The following HCN1 variants were observed in gnomAD, a reference collection of about 807,000 sequenced individuals.
HCN1 encodes hyperpolarization activated cyclic nucleotide gated potassium channel 1.
A neutral mutation model predicts 78.9 loss-of-function variants in HCN1; 13 were observed. That is an observed-to-expected ratio of 0.16 (90% confidence interval 0.11 to 0.26). The LOEUF is 0.26. Among genes scored for constraint, HCN1 ranks in the 10% least tolerant of loss-of-function variants. HCN1 has a pLI of 1.00. For synonymous variants in HCN1, 552 were observed against 455.5 expected, an observed-to-expected ratio of 1.21 and a Z score of -2.70; for missense variants, 810 against 1,154.3, an observed-to-expected ratio of 0.70 and a Z score of 4.32.
intron 5 of HCN1, among the ~76,000 whole-genome samples, chr5:45,340,647 AG>A (rs1746558064): frequency 6.6e-6 from 1 of 151,356 alleles, no homozygotes; most frequent in Non-Finnish European, 1.5e-5. Context: ...ATGTTGATAG[AG>A]TTTTTTTTTT....
At chr5:45,264,706 T>C (rs1313294009) in intron 7 of HCN1, among the ~76,000 whole-genome samples, 1 of 152,216 alleles carries the variant, frequency 6.6e-6, no homozygotes, top group African/African-American at 2.4e-5. Context: ...CCGAGAAGCA[T>C]AATGTTTCTT....
At chr5:45,653,624 C>A (rs1284518028) in intron 1 of HCN1, among the ~76,000 whole-genome samples, 1 of 151,696 alleles carries the variant, frequency 6.6e-6, no homozygotes, top group Admixed American at 6.6e-5. Context: ...TCCCAATGAT[C>A]AAATTCCAAA....
At chr5:45,527,615 TTCTC>T (rs1008897204) in intron 2 of HCN1, among the ~76,000 whole-genome samples, 59 of 149,482 alleles carry the variant, frequency 3.9e-4, no homozygotes, top group Non-Finnish European at 6.1e-4. Context: ...TTCTCTCTCT[TTCTC>T]TCTCTCTCTG....
At chr5:45,423,789 A>T (rs550460360) in intron 3 of HCN1, among the ~76,000 whole-genome samples, 5 of 152,306 alleles carry the variant, frequency 3.3e-5, no homozygotes, top group Admixed American at 2.0e-4. Context: ...GTTTCCAAAC[A>T]TCTAAACTCC....
At chr5:45,418,961 C>T (rs902470572) in intron 3 of HCN1, among the ~76,000 whole-genome samples, 1 of 152,094 alleles carries the variant, frequency 6.6e-6, no homozygotes, top group Non-Finnish European at 1.5e-5. Context: ...CCACAGACTG[C>T]TATGTGATTT....
intron 2 of HCN1, among the ~76,000 whole-genome samples, chr5:45,588,801 G>A (rs569057532): frequency 6.6e-6 from 1 of 152,070 alleles, no homozygotes; most frequent in Non-Finnish European, 1.5e-5. Flanking sequence ...TGTCATATAA[G>A]CAATGATGAA....
chr5:45,298,642 A>G (rs145048881), intron 6 of HCN1, among the ~76,000 whole-genome samples: 3 of 152,142 alleles, frequency 2.0e-5, no homozygotes, highest in Non-Finnish European at 4.4e-5. Flanking sequence ...TACAAAAAGG[A>G]TTGTATAAAT....
intron 2 of HCN1, among the ~76,000 whole-genome samples, chr5:45,477,622 A>C (rs1314619167): frequency 2.6e-5 from 4 of 152,196 alleles, no homozygotes; most frequent in African/African-American, 9.6e-5. Context: ...AGGAAGCATA[A>C]GATAAATTCT....
rs190740071 is a variant in HCN1, at chr5:45,419,884, T to C, written c.1012-23174A>G. Among the ~76,000 whole-genome samples the C allele has an allele frequency of 1.4e-3, 207 of 152,314 alleles. 1 individual carries two copies. The highest frequency in any genetic ancestry group is 4.8e-3 in the African/African-American group (200 of 41,568). On this transcript the variant is annotated intron_variant, in intron 3 of 7. Transcript: ENST00000303230. Reference sequence around the variant, plus strand: ...CCCCAACATTCCACCCACAACTTGGTAAACAGTCTTCTTTTTAAAACTTCC... The same window carrying C: ...CCCCAACATTCCACCCACAACTTGGCAAACAGTCTTCTTTTTAAAACTTCC...
intron 1 of HCN1, among the ~76,000 whole-genome samples, chr5:45,665,848 A>G (rs1401780494): frequency 6.6e-6 from 1 of 152,092 alleles, no homozygotes; most frequent in Non-Finnish European, 1.5e-5. Flanking sequence ...GTCTTAATTT[A>G]CATTTCTACC....
intron 5 of HCN1, among the ~76,000 whole-genome samples, chr5:45,348,198 G>C (rs1016609703): frequency 6.6e-6 from 1 of 152,256 alleles, no homozygotes; most frequent in Non-Finnish European, 1.5e-5. Context: ...AGAAGAGAGT[G>C]GGGGGCCAGT....
At chr5:45,660,162 G>A (rs1745898132) in intron 1 of HCN1, among the ~76,000 whole-genome samples, 1 of 122,718 alleles carries the variant, frequency 8.1e-6, no homozygotes, top group Non-Finnish European at 1.6e-5. Flanking sequence ...CATTCTTAAA[G>A]AAAAGAATTT....
At chr5:45,669,786 T>A (rs1746114378) in intron 1 of HCN1, among the ~76,000 whole-genome samples, 2 of 151,816 alleles carry the variant, frequency 1.3e-5, no homozygotes, top group African/African-American at 4.8e-5. Context: ...TTGCAAACAG[T>A]GAACAACAGT....
At chr5:45,485,113 T>C (rs868621008) in intron 2 of HCN1, among the ~76,000 whole-genome samples, 4 of 152,208 alleles carry the variant, frequency 2.6e-5, no homozygotes, top group Non-Finnish European at 5.9e-5. Context: ...CCTTATGTTA[T>C]CACTTATTAC....
intron 6 of HCN1, among the ~76,000 whole-genome samples, chr5:45,294,813 T>C (rs781467752): frequency 6.6e-6 from 1 of 152,046 alleles, no homozygotes; most frequent in Non-Finnish European, 1.5e-5. Context: ...TTTGAAGTGA[T>C]ATATTGGAGA....
intron 3 of HCN1, among the ~76,000 whole-genome samples, chr5:45,418,908 C>T (rs557134776): frequency 3.3e-5 from 5 of 152,160 alleles, no homozygotes; most frequent in Non-Finnish European, 7.4e-5. Flanking sequence ...AGAAGTATCA[C>T]CAGAGCACAA....
At chr5:45,594,995 G>A (rs1340766280) in intron 2 of HCN1, among the ~76,000 whole-genome samples, 1 of 152,176 alleles carries the variant, frequency 6.6e-6, no homozygotes, top group Non-Finnish European at 1.5e-5. Flanking sequence ...TGAAATACTT[G>A]TGGGAACCTC....
chr5:45,617,841 A>T (rs1005756280), intron 2 of HCN1, among the ~76,000 whole-genome samples: 1 of 132,136 alleles, frequency 7.6e-6, no homozygotes, highest in African/African-American at 2.5e-5. Context: ...ATTTCTAGGA[A>T]TATAAATTAA....
chr5:45,381,539 C>A (rs1209437020), intron 4 of HCN1, among the ~76,000 whole-genome samples: 1 of 152,146 alleles, frequency 6.6e-6, no homozygotes, highest in Non-Finnish European at 1.5e-5. Flanking sequence ...AATCCCTCGT[C>A]CCTTACTCCT....
Sources: gnomAD v4.1 joint callset for allele counts (sites outside exome capture counted in the v4.1 genomes callset) on GRCh38, gnomAD v4.1.1 for gene constraint, MANE v1.5 for transcripts, NCBI Gene and HGNC (gene_info 2026-07-23, HGNC 2026-07-21) for gene names.